The following PIP4P2 variants were observed in gnomAD, a reference collection of about 807,000 sequenced individuals.
PIP4P2 encodes the protein phosphatidylinositol-4,5-bisphosphate 4-phosphatase 2.
Under a neutral mutation model 33.3 loss-of-function variants are expected in PIP4P2, and 19 were observed. The ratio of observed to expected loss-of-function variants is 0.57; its 90% CI spans 0.40 to 0.84. PIP4P2 has a LOEUF of 0.84. PIP4P2 is among the 40% of genes least tolerant of loss of function. PIP4P2 has a pLI of 0.00. For synonymous variants in PIP4P2, 110 were observed against 111.9 expected (o/e 0.98, Z 0.11); for missense variants, 270 against 324.7 (o/e 0.83, Z 1.29).
chr8:91,005,865 C>CA (rs1458337719), intron 5 of PIP4P2, among the ~76,000 whole-genome samples: 1 of 152,214 alleles, frequency 6.6e-6, no homozygotes, highest in Non-Finnish European at 1.5e-5. Context: ...CAGAATGCTA[C>CA]AAGTACACCT....
intron 4 of PIP4P2, among the ~76,000 whole-genome samples, chr8:91,011,564 T>C (rs966832426): frequency 6.6e-6 from 1 of 152,078 alleles, no homozygotes; most frequent in Admixed American, 6.6e-5. Flanking sequence ...TGGTATATGC[T>C]AAAACTGCTA....
chr8:91,019,043 A>C (rs1202488397), intron 3 of PIP4P2, among the ~76,000 whole-genome samples: 1 of 152,080 alleles, frequency 6.6e-6, no homozygotes, highest in East Asian at 1.9e-4. Context: ...TACATGATTC[A>C]TGTAATGGTC....
intron 4 of PIP4P2, among the ~76,000 whole-genome samples, chr8:91,014,898 A>C (rs1312453525): frequency 1.3e-5 from 2 of 152,116 alleles, no homozygotes; most frequent in Non-Finnish European, 2.9e-5. Context: ...CCTCAAATAT[A>C]CAATTTCTGT....
Position 91,040,845 on chromosome 8 carries a change from G to A in PIP4P2, c.-96C>T, listed in dbSNP as rs1291333588. 6 of 1,151,520 alleles carry A rather than the reference G, an allele frequency of 5.2e-6. No homozygotes were observed. Among genetic ancestry groups the A allele is most frequent in the Non-Finnish European group, 7.5e-6 (6 of 799,546 alleles). 71.3% of individuals were successfully genotyped at this position (1,151,520 alleles called of 1,614,324 possible). ...TGCTGCCTCTGCTGCCGCTGCTGCC[G>A]CTGCAGCTGCTGCTGCTGCCGCCTC... On this transcript the variant is annotated 5_prime_UTR_variant, in exon 1 of 7. Transcript: ENST00000285419.
chr8:91,040,735 C>T lies in PIP4P2; in HGVS notation c.15G>A (p.Gly5=), dbSNP rs766774767. ...ACAGCAGAGGCGAGCGTTCGTCCAC[C>T]CCATCAGCAGCCATGACTGCGGCAG... MAAD[G]VDERSPLLSA... The change falls in exon 1 of 7, where the codon GGG becomes GGA. Residue 5 remains glycine (G), a synonymous_variant. Coordinates refer to ENST00000285419, the MANE Select transcript of PIP4P2 (RefSeq NM_018710.3). 1.9e-6 allele frequency: 3 copies of T among 1,612,276 alleles called. No homozygotes were observed. Among genetic ancestry groups the T allele is most frequent in the Non-Finnish European group, 2.5e-6 (3 of 1,179,982 alleles).
At chr8:91,035,607 C>G (rs1422222190) in intron 1 of PIP4P2, among the ~76,000 whole-genome samples, 1 of 152,190 alleles carries the variant, frequency 6.6e-6, no homozygotes, top group Non-Finnish European at 1.5e-5. Context: ...TTTTTCAAAG[C>G]TTTGTCCAGG....
At chr8:91,012,883 T>C (rs1246459792) in intron 4 of PIP4P2, among the ~76,000 whole-genome samples, 1 of 152,216 alleles carries the variant, frequency 6.6e-6, no homozygotes, top group East Asian at 1.9e-4. Context: ...CATATCTACC[T>C]AAACTCTCAA....
At chr8:91,026,090 A>C (rs936603630) in intron 1 of PIP4P2, among the ~76,000 whole-genome samples, 5 of 152,192 alleles carry the variant, frequency 3.3e-5, no homozygotes, top group African/African-American at 1.2e-4. Context: ...ATGCTGGAGC[A>C]GGAACTCTGC....
intron 3 of PIP4P2, chr8:91,018,748 G>A: frequency 2.4e-6 from 1 of 414,508 alleles, no homozygotes; most frequent in Admixed American, 3.7e-5. Flanking sequence ...CTAATCAATG[G>A]CAACCATTTA....
At chr8:91,013,020 T>C (rs1162368175) in intron 4 of PIP4P2, among the ~76,000 whole-genome samples, 2 of 152,254 alleles carry the variant, frequency 1.3e-5, no homozygotes, top group East Asian at 3.9e-4. Flanking sequence ...TACAGTCAAT[T>C]CTCTCTCAAA....
chr8:91,027,507 C>T (rs1236646975), intron 1 of PIP4P2, among the ~76,000 whole-genome samples: 1 of 152,008 alleles, frequency 6.6e-6, no homozygotes, highest in Non-Finnish European at 1.5e-5. Context: ...AGGGCAAATA[C>T]AAAGTCTAAT....
chr8:91,008,311 T>TA (rs2130357238), intron 5 of PIP4P2, among the ~76,000 whole-genome samples: 1 of 152,268 alleles, frequency 6.6e-6, no homozygotes, highest in East Asian at 1.9e-4. Flanking sequence ...CAAATAATTA[T>TA]ATAAATGCTG....
chr8:91,020,957 G>A (rs1812000285), intron 2 of PIP4P2, among the ~76,000 whole-genome samples: 1 of 152,170 alleles, frequency 6.6e-6, no homozygotes, highest in Non-Finnish European at 1.5e-5. Context: ...ATGTAGTTGT[G>A]ATGTGGATAG....
chr8:91,014,558 CAG>C (rs1214225733), intron 4 of PIP4P2, among the ~76,000 whole-genome samples: 1 of 151,984 alleles, frequency 6.6e-6, no homozygotes, highest in Non-Finnish European at 1.5e-5. Context: ...TTCATAGAAG[CAG>C]AGAGTAGAAT....
chr8:91,009,665 G>T (rs571866548), intron 4 of PIP4P2, among the ~76,000 whole-genome samples: 1 of 151,820 alleles, frequency 6.6e-6, no homozygotes, highest in Admixed American at 6.6e-5. Flanking sequence ...TTTTCAGAAG[G>T]CTCAAATTCT....
At chr8:91,037,100 A>AT (rs745482721) in intron 1 of PIP4P2, among the ~76,000 whole-genome samples, 2 of 152,230 alleles carry the variant, frequency 1.3e-5, no homozygotes, top group Non-Finnish European at 2.9e-5. Context: ...GTCATTCAGC[A>AT]TATTTTCTAC....
At chr8:90,997,256 A>C (rs1313256247) in intron 5 of PIP4P2, among the ~76,000 whole-genome samples, 1 of 152,058 alleles carries the variant, frequency 6.6e-6, no homozygotes, top group Non-Finnish European at 1.5e-5. Flanking sequence ...CCAATTTTGT[A>C]CCTTACCAAT....
At chr8:91,021,139 T>C in intron 2 of PIP4P2, 117 bp downstream of exon 2, 1 of 1,190,142 alleles carries the variant, frequency 8.4e-7, no homozygotes, top group Non-Finnish European at 1.2e-6. Flanking sequence ...GGAAAAAAGA[T>C]TACCATATTT....
At position 91,021,382 on chromosome 8, in the gene PIP4P2, T is replaced by C. The variant is rs754737395; in HGVS notation, c.129A>G (p.Thr43=). ...SPRAELPPPY[T]AIASPDASGI... Reference sequence around the variant, plus strand: ...CACTGGCGTCTGGACTGGCAATGGCTGTATATGGAGGTGGGAGCTCCGCTG... The same window carrying C: ...CACTGGCGTCTGGACTGGCAATGGCCGTATATGGAGGTGGGAGCTCCGCTG... The change falls in exon 2 of 7, where the codon ACA becomes ACG. Residue 43 remains threonine (T), a synonymous_variant. Coordinates refer to ENST00000285419, the MANE Select transcript of PIP4P2 (RefSeq NM_018710.3). 1.2e-5 allele frequency: 20 copies of C among 1,613,604 alleles called. No homozygotes were observed. The Admixed American group carries it at 2.5e-4, about 20-fold the overall frequency.
Sources: gnomAD v4.1 joint callset for allele counts (sites outside exome capture counted in the v4.1 genomes callset) on GRCh38, gnomAD v4.1.1 for gene constraint, MANE v1.5 for transcripts, NCBI Gene and HGNC (gene_info 2026-07-23, HGNC 2026-07-21) for gene names.